Variants in ADCY8 observed in about 807,000 individuals in gnomAD.
The protein encoded by ADCY8 is adenylate cyclase type 8.
In ADCY8, 51 loss-of-function variants were observed where a neutral mutation model predicts 119.7. That is an observed-to-expected ratio of 0.43 (90% CI 0.34 to 0.54). The LOEUF (loss-of-function observed/expected upper bound fraction) is 0.54. ADCY8 is among the 20% of genes least tolerant of loss of function. The pLI, the probability that ADCY8 is intolerant of heterozygous loss-of-function variation, is 0.03. For missense variants in ADCY8, 1,383 were observed against 1,598.8 expected, an observed-to-expected ratio of 0.87 and a Z score of 2.30; for synonymous variants, 665 against 651.0, an observed-to-expected ratio of 1.02 and a Z score of -0.33.
intron 3 of ADCY8, among the ~76,000 whole-genome samples, chr8:130,945,459 C>T (rs1379270929): frequency 4.6e-5 from 7 of 152,198 alleles, no homozygotes; most frequent in Non-Finnish European, 1.0e-4. Context: ...AATCTTAGCT[C>T]ACCACTTAGG....
At chr8:131,031,868 T>C (rs1824008445) in intron 1 of ADCY8, among the ~76,000 whole-genome samples, 1 of 152,200 alleles carries the variant, frequency 6.6e-6, no homozygotes, top group Non-Finnish European at 1.5e-5. Flanking sequence ...TGTGCTCTTA[T>C]TTCTTCTCCC....
At position 130,949,201 on chromosome 8, in the gene ADCY8, C is replaced by A. The variant is rs539985430; in HGVS notation, c.1241+2667G>T. On this transcript the variant is annotated intron_variant, in intron 3 of 17. Coordinates refer to ENST00000286355, the MANE Select transcript of ADCY8 (RefSeq NM_001115.3). ...GAAGAAACTAGCTGCTTAAGAGTAA[C>A]GGGAGCACTGAAGAAGGATTCCTGC... 9.9e-5 allele frequency among the ~76,000 whole-genome samples: 15 copies of A among 152,138 alleles called. No homozygotes were observed. The South Asian group carries it at 1.2e-3, about 13-fold the overall frequency.
rs1457466064 is a variant in ADCY8 at position 130,909,944 on chromosome 8, T to TC, written c.1482-79_1482-78insG. 29 of 1,345,532 alleles carry TC rather than the reference T, an allele frequency of 2.2e-5. No individual in the cohort carries two copies. The East Asian group carries it at 3.1e-4, about 14-fold the overall frequency. 83.3% of individuals were successfully genotyped at this position (1,345,532 alleles called of 1,614,324 possible). A position where few individuals can be genotyped will look rare whatever the true frequency, so the allele number is the denominator to read the frequency against. ...GTTGGCTCTGCACTTTCTTTTCTTT[T>TC]TTTTTTTTTTTGAGACGGAGTTTTG... On this transcript the variant is annotated intron_variant, in intron 5 of 17. Transcript: ENST00000286355.
intron 2 of ADCY8, among the ~76,000 whole-genome samples, chr8:130,988,989 A>G (rs984427368): frequency 8.5e-5 from 13 of 152,234 alleles, no homozygotes; most frequent in Admixed American, 7.9e-4. Context: ...CACAGATCCC[A>G]TGGAAAGAGT....
intron 5 of ADCY8, among the ~76,000 whole-genome samples, chr8:130,930,276 G>C (rs979339058): frequency 8.0e-5 from 12 of 150,038 alleles, no homozygotes; most frequent in Middle Eastern, 3.4e-3. Context: ...TTTTGAGATG[G>C]AGTCTCGTTC....
chr8:130,948,076 T>C (rs77917551), intron 3 of ADCY8, among the ~76,000 whole-genome samples: 5,494 of 152,262 alleles, frequency 0.036, 258 homozygotes, highest in African/African-American at 0.11. Flanking sequence ...AACCAAATGC[T>C]GGGAACTTTG....
rs1380463068 is a variant in ADCY8, at chr8:130,891,980, A to G, written c.1912-7219T>C. 3.9e-5 allele frequency: 6 copies of G among 152,090 alleles called. No homozygotes were observed. The East Asian group carries it at 7.7e-4, about 20-fold the overall frequency. 9.4% of individuals were successfully genotyped at this position (152,090 alleles called of 1,614,324 possible). A position where few individuals can be genotyped will look rare whatever the true frequency, so the allele number is the denominator to read the frequency against. ...AGAAATCATGCTTACTTTTCCTTTTATTTTTTGAATATTTATGTCACTGTA... is the reference window on the plus strand; with the variant it reads ...AGAAATCATGCTTACTTTTCCTTTTGTTTTTTGAATATTTATGTCACTGTA... On this transcript the variant is annotated intron_variant, in intron 7 of 17. Coordinates refer to ENST00000286355, the MANE Select transcript of ADCY8 (RefSeq NM_001115.3).
intron 2 of ADCY8, among the ~76,000 whole-genome samples, chr8:130,979,977 C>T (rs989971010): frequency 2.6e-5 from 4 of 152,152 alleles, no homozygotes; most frequent in Non-Finnish European, 4.4e-5. Flanking sequence ...TATTCTCCTA[C>T]AGTTTTGGAG....
chr8:130,927,729 A>T lies in ADCY8; in HGVS notation c.1481+9344T>A, dbSNP rs192344309. Among the ~76,000 whole-genome samples the T allele has an allele frequency of 3.9e-5, 6 of 152,144 alleles. No individual in the cohort carries two copies. The East Asian group carries it at 9.7e-4, about 24-fold the overall frequency. On this transcript the variant is annotated intron_variant, in intron 5 of 17. Coordinates refer to ENST00000286355, the MANE Select transcript of ADCY8 (RefSeq NM_001115.3). Reference sequence around the variant, plus strand: ...GAGTCTTTAGGGTTTTCTCTATATAAAATCATGTCATCTGCAAACAGAAAC... The same window carrying T: ...GAGTCTTTAGGGTTTTCTCTATATATAATCATGTCATCTGCAAACAGAAAC...
At chr8:130,935,833 G>A (rs1820766598) in intron 5 of ADCY8, among the ~76,000 whole-genome samples, 1 of 152,160 alleles carries the variant, frequency 6.6e-6, no homozygotes, top group Non-Finnish European at 1.5e-5. Context: ...ATCTTTTACT[G>A]CAGGTGGGAA....
intron 1 of ADCY8, among the ~76,000 whole-genome samples, chr8:131,016,729 T>C (rs7004104): frequency 0.53 from 80,926 of 151,760 alleles, 22,536 homozygotes; most frequent in East Asian, 0.72. Flanking sequence ...GAGACAGGGA[T>C]GAAGAAGGTG....
chr8:130,929,032 A>G (rs574695157), intron 5 of ADCY8, among the ~76,000 whole-genome samples: 89 of 152,086 alleles, frequency 5.9e-4, no homozygotes, highest in Non-Finnish European at 7.1e-4. Context: ...GCATGCATCA[A>G]ATGAATTTAT....
rs535268009 is a variant in ADCY8 at position 130,897,527 on chromosome 8, G to A, written c.1911+6245C>T. Among the ~76,000 whole-genome samples the A allele has an allele frequency of 5.1e-4, 77 of 151,504 alleles. 1 individual carries two copies. Among genetic ancestry groups the A allele is most frequent in the African/African-American group, 1.8e-3 (76 of 41,280 alleles). ...TGTTCCAGGCAAACAATCATCATGC[G>A]AGGACACTCAGGCAATGAGATCCTT... On this transcript the variant is annotated intron_variant, in intron 7 of 17. Transcript: ENST00000286355.
intron 7 of ADCY8, chr8:130,891,947 T>C (rs1234328025): frequency 6.6e-6 from 1 of 152,170 alleles, no homozygotes; most frequent in Non-Finnish European, 1.5e-5. Flanking sequence ...TTTGATGCTT[T>C]TTTAGTTAGA....
intron 7 of ADCY8, among the ~76,000 whole-genome samples, chr8:130,900,471 A>G (rs1819560812): frequency 6.6e-6 from 1 of 152,146 alleles, no homozygotes; most frequent in Non-Finnish European, 1.5e-5. Context: ...TGACTCTACC[A>G]TCTCACCAGA....
chr8:131,007,920 T>G (rs1224082321), intron 1 of ADCY8, among the ~76,000 whole-genome samples: 1 of 152,136 alleles, frequency 6.6e-6, no homozygotes, highest in Non-Finnish European at 1.5e-5. Flanking sequence ...ACCTGTCACA[T>G]GAACAGCTGA....
intron 1 of ADCY8, among the ~76,000 whole-genome samples, chr8:131,002,980 C>T (rs939156014): frequency 2.6e-5 from 4 of 152,142 alleles, no homozygotes; most frequent in Non-Finnish European, 4.4e-5. Flanking sequence ...GCAGGTGCAT[C>T]ACCTGAGGTC....
In ADCY8 at chr8:130,839,211, A is replaced by G. The variant is rs1211546330; in HGVS notation, c.2503-2762T>C. On this transcript the variant is annotated intron_variant, in intron 11 of 17. Coordinates refer to ENST00000286355, the MANE Select transcript of ADCY8 (RefSeq NM_001115.3). ...TTTCTCTAACAAGGCTGCTGAAGGT[A>G]TAATAGGCAAATATAATTGTACATT... Among the ~76,000 whole-genome samples the G allele has an allele frequency of 1.4e-5, 2 of 139,574 alleles. 1 individual carries two copies. The highest frequency in any genetic ancestry group is 3.2e-5 in the Non-Finnish European group (2 of 61,880). The allele number at this position is 139,574 out of a possible 152,430, so 91.6% of individuals were successfully genotyped here.
intron 14 of ADCY8, among the ~76,000 whole-genome samples, chr8:130,807,983 C>CAAAAAAAAA (rs752321769): frequency 5.9e-4 from 28 of 47,234 alleles, no homozygotes; most frequent in African/African-American, 9.1e-4. Context: ...GACTCCGTCT[C>CAAAAAAAAA]AAAAAAAAAA....
Sources: allele counts gnomAD v4.1 joint callset (sites outside exome capture counted in the v4.1 genomes callset), GRCh38; gene constraint gnomAD v4.1.1; transcripts MANE v1.5; gene names NCBI Gene and HGNC (gene_info 2026-07-23, HGNC 2026-07-21).